MDGA2: variants seen among roughly 807,000 people sequenced by gnomAD.
MDGA2 encodes the protein MAM domain containing glycosylphosphatidylinositol anchor 2.
Under a neutral mutation model 117.8 loss-of-function variants are expected in MDGA2, and 40 were observed. That is an observed-to-expected ratio of 0.34 (90% CI 0.26 to 0.44). MDGA2 has a LOEUF of 0.44. MDGA2 is among the 20% of genes least tolerant of loss of function. The probability of loss-of-function intolerance (pLI) is 1.00; values close to 1 mark genes in which losing one functional copy is unlikely to be tolerated. For synonymous variants in MDGA2, 452 were observed against 439.0 expected, an observed-to-expected ratio of 1.03 and a Z score of -0.37; for missense variants, 1,123 against 1,250.6, an observed-to-expected ratio of 0.90 and a Z score of 1.54.
At chr14:47,202,266 G>C (rs752594026) in intron 3 of MDGA2, among the ~76,000 whole-genome samples, 13 of 152,174 alleles carry the variant, frequency 8.5e-5, no homozygotes, top group Non-Finnish European at 1.3e-4. Flanking sequence ...AAAAACAACT[G>C]TATAGATATC....
intron 2 of MDGA2, among the ~76,000 whole-genome samples, chr14:47,293,679 T>C (rs1888965689): frequency 6.6e-6 from 1 of 152,226 alleles, no homozygotes; most frequent in African/African-American, 2.4e-5. Flanking sequence ...TAATATTTTT[T>C]GAGATAGTAT....
chr14:47,531,417 A>G (rs1284735922), intron 1 of MDGA2, among the ~76,000 whole-genome samples: 1 of 152,228 alleles, frequency 6.6e-6, no homozygotes, highest in African/African-American at 2.4e-5. Context: ...TGGTCCTTCA[A>G]AAGACAATAC....
At chr14:47,424,167 T>C (rs1187158918) in intron 1 of MDGA2, among the ~76,000 whole-genome samples, 1 of 151,934 alleles carries the variant, frequency 6.6e-6, no homozygotes, top group African/African-American at 2.4e-5. Context: ...ACACCTATAA[T>C]CCCAGCACTT....
chr14:47,131,918 CACATT>C, intron 4 of MDGA2, 72 bp from the exon 5 acceptor site: 2 of 1,202,524 alleles, frequency 1.7e-6, no homozygotes, highest in Middle Eastern at 4.3e-4. Flanking sequence ...AACATCACAT[CACATT>C]ACATTGTATT....
chr14:47,385,632 G>T (rs565184658), intron 1 of MDGA2, among the ~76,000 whole-genome samples: 1 of 152,194 alleles, frequency 6.6e-6, no homozygotes, highest in African/African-American at 2.4e-5. Flanking sequence ...GAGCATCAAT[G>T]ATCCCTCTTT....
chr14:47,252,979 T>C (rs1171018005), intron 2 of MDGA2, among the ~76,000 whole-genome samples: 1 of 152,076 alleles, frequency 6.6e-6, no homozygotes, highest in Admixed American at 6.5e-5. Context: ...GAGAGAAGAA[T>C]GAGAGCCGAG....
At chr14:47,126,643 ATAAT>A (rs1358535558) in intron 5 of MDGA2, among the ~76,000 whole-genome samples, 5 of 152,156 alleles carry the variant, frequency 3.3e-5, no homozygotes, top group Non-Finnish European at 7.4e-5. Context: ...GCAGTTCTAG[ATAAT>A]TAATTTCTAT....
chr14:47,228,979 A>G (rs1414276988), intron 2 of MDGA2, among the ~76,000 whole-genome samples: 1 of 152,164 alleles, frequency 6.6e-6, no homozygotes, highest in Admixed American at 6.5e-5. Context: ...GCAAATTTCC[A>G]GCATAAACTA....
At chr14:47,064,223 A>C (rs1889997368) in intron 6 of MDGA2, among the ~76,000 whole-genome samples, 1 of 152,012 alleles carries the variant, frequency 6.6e-6, no homozygotes, top group African/African-American at 2.4e-5. Flanking sequence ...AACATTGGTG[A>C]ATCTTAGTTA....
At chr14:47,300,254 T>A (rs914714546) in intron 2 of MDGA2, among the ~76,000 whole-genome samples, 2 of 152,322 alleles carry the variant, frequency 1.3e-5, no homozygotes, top group East Asian at 3.9e-4. Flanking sequence ...ATACTTAAAA[T>A]ATGTAATTTT....
chr14:47,229,733 T>C (rs530411272), intron 2 of MDGA2, among the ~76,000 whole-genome samples: 74 of 151,854 alleles, frequency 4.9e-4, no homozygotes, highest in Non-Finnish European at 9.9e-4. Context: ...ACTGGGCCTT[T>C]AATGGCCTAA....
chr14:47,271,707 T>A (rs1359072285), intron 2 of MDGA2, among the ~76,000 whole-genome samples: 1 of 152,192 alleles, frequency 6.6e-6, no homozygotes, highest in African/African-American at 2.4e-5. Flanking sequence ...ATCAATAATG[T>A]TAGAAAATAG....
intron 3 of MDGA2, among the ~76,000 whole-genome samples, chr14:47,206,286 C>T (rs1885679153): frequency 6.6e-6 from 1 of 151,944 alleles, no homozygotes; most frequent in Non-Finnish European, 1.5e-5. Context: ...TTATCACAGA[C>T]TTTAATTTAA....
chr14:47,466,213 G>A (rs1893600940), intron 1 of MDGA2, among the ~76,000 whole-genome samples: 1 of 151,816 alleles, frequency 6.6e-6, no homozygotes. Flanking sequence ...ATATAACTAT[G>A]GGGTACTGGG....
intron 6 of MDGA2, among the ~76,000 whole-genome samples, chr14:47,073,519 A>G (rs1890369597): frequency 6.6e-6 from 1 of 152,196 alleles, no homozygotes; most frequent in African/African-American, 2.4e-5. Context: ...CGTATTTCTG[A>G]GCACTCACAG....
chr14:47,095,670 C>T (rs1383328409), intron 6 of MDGA2, among the ~76,000 whole-genome samples: 3 of 151,750 alleles, frequency 2.0e-5, no homozygotes, highest in Non-Finnish European at 4.4e-5. Context: ...GTATGGTATA[C>T]AATTTTGTGG....
At chr14:47,343,961 G>A (rs1473565228) in intron 1 of MDGA2, among the ~76,000 whole-genome samples, 1 of 152,202 alleles carries the variant, frequency 6.6e-6, no homozygotes, top group African/African-American at 2.4e-5. Context: ...GATTTATCCT[G>A]ACTCTTGGAA....
At chr14:46,897,919 T>C (rs1316769787) in intron 10 of MDGA2, among the ~76,000 whole-genome samples, 3 of 151,942 alleles carry the variant, frequency 2.0e-5, no homozygotes, top group Admixed American at 6.6e-5. Context: ...GATAGATAGA[T>C]CCTAATTTAA....
chr14:47,160,984 T>C (rs2139274821), intron 3 of MDGA2, among the ~76,000 whole-genome samples: 1 of 152,296 alleles, frequency 6.6e-6, no homozygotes, highest in South Asian at 2.1e-4. Context: ...TTTTCTAAGG[T>C]TATGTCTCTT....
Sources: allele counts gnomAD v4.1 joint callset (sites outside exome capture counted in the v4.1 genomes callset), GRCh38; gene constraint gnomAD v4.1.1; transcripts MANE v1.5; gene names NCBI Gene and HGNC (gene_info 2026-07-23, HGNC 2026-07-21).